Variants in CDH18 observed in about 807,000 individuals in gnomAD.
CDH18 encodes the protein cadherin 18.
CDH18 carries 31 observed loss-of-function variants against 67.9 expected under a neutral mutation model. The ratio of observed to expected loss-of-function variants is 0.46; its 90% CI spans 0.34 to 0.62. The LOEUF is 0.62. Ranked by LOEUF, CDH18 falls within the 20% of genes least tolerant of loss-of-function variation. The pLI, the probability that CDH18 is intolerant of heterozygous loss-of-function variation, is 0.01. For synonymous variants in CDH18, 362 were observed against 347.2 expected (o/e 1.04, Z -0.48); for missense variants, 890 against 975.5 (o/e 0.91, Z 1.17).
chr5:19,571,911 T>C (rs1399018315), intron 7 of CDH18, 79 bp from the exon 8 acceptor site: 1 of 1,116,672 alleles, frequency 9.0e-7, no homozygotes, highest in Non-Finnish European at 1.3e-6. Flanking sequence ...AAATATGCAT[T>C]ATTTTTTCCT....
At chr5:20,573,861 GAA>G (rs1758956258) in intron 1 of CDH18, among the ~76,000 whole-genome samples, 1 of 15,568 alleles carries the variant, frequency 6.4e-5, no homozygotes, top group African/African-American at 5.6e-4. Context: ...ATATATAAAA[GAA>G]ATATATATAT....
intron 2 of CDH18, among the ~76,000 whole-genome samples, chr5:20,035,961 G>A (rs549671089): frequency 3.9e-5 from 6 of 152,006 alleles, no homozygotes; most frequent in African/African-American, 1.4e-4. Flanking sequence ...TTGTATTGTT[G>A]TTGTTGTTGC....
chr5:19,489,888 G>A (rs1741108201), intron 11 of CDH18, among the ~76,000 whole-genome samples: 1 of 152,066 alleles, frequency 6.6e-6, no homozygotes, highest in Non-Finnish European at 1.5e-5. Flanking sequence ...AAGAAAAAGT[G>A]AGCTTTTAAA....
In CDH18 at chr5:20,424,959, C is replaced by T. The variant is rs1459840048; in HGVS notation, c.-580+150503G>A. 5.3e-5 allele frequency among the ~76,000 whole-genome samples: 8 copies of T among 150,510 alleles called. 1 individual carries two copies. The highest frequency in any genetic ancestry group is 2.0e-4 in the African/African-American group (8 of 39,990). ...AAGAGGTGTTCTCAGGACACACAAACATGAGGACTGGGTCAACCAGAAAAT... is the reference window on the plus strand; with the variant it reads ...AAGAGGTGTTCTCAGGACACACAAATATGAGGACTGGGTCAACCAGAAAAT... On this transcript the variant is annotated intron_variant, in intron 1 of 14. Coordinates refer to the CDH18 transcript ENST00000507958.
intron 2 of CDH18, among the ~76,000 whole-genome samples, chr5:20,044,422 A>C (rs967567481): frequency 5.9e-5 from 9 of 152,154 alleles, no homozygotes; most frequent in African/African-American, 2.2e-4. Flanking sequence ...TTCATCTCCT[A>C]TAAACATTCT....
intron 2 of CDH18, among the ~76,000 whole-genome samples, chr5:20,094,546 CT>C (rs1485644926): frequency 3.3e-5 from 5 of 152,124 alleles, no homozygotes; most frequent in African/African-American, 4.8e-5. Context: ...TTATAAATTA[CT>C]TTGGGCAGTA....
rs970743868 is a variant in CDH18 at position 20,425,671 on chromosome 5, C to A, written c.-580+149791G>T. On this transcript the variant is annotated intron_variant, in intron 1 of 14. Transcript: ENST00000507958. ...GGTGTGTAGCAATCTGGAGATTGGG[C>A]GCAGAGCTGATTTTTGCTATTCTTA... Among the ~76,000 whole-genome samples, 8 of 150,806 alleles carry A rather than the reference C, an allele frequency of 5.3e-5. No homozygotes were observed. In the South Asian group the frequency reaches 1.5e-3, roughly 27 times the overall value.
intron 2 of CDH18, among the ~76,000 whole-genome samples, chr5:20,148,392 T>A (rs1750836347): frequency 6.6e-6 from 1 of 152,172 alleles, no homozygotes; most frequent in African/African-American, 2.4e-5. Context: ...CCACCGTGCC[T>A]GGCCTAGTGT....
chr5:20,113,307 T>C (rs1364007968), intron 2 of CDH18, among the ~76,000 whole-genome samples: 1 of 152,242 alleles, frequency 6.6e-6, no homozygotes, highest in Non-Finnish European at 1.5e-5. Flanking sequence ...CTGAGATGCT[T>C]TAATTCTTGG....
intron 2 of CDH18, among the ~76,000 whole-genome samples, chr5:20,086,722 A>C (rs1036622433): frequency 6.6e-6 from 1 of 152,202 alleles, no homozygotes; most frequent in African/African-American, 2.4e-5. Context: ...TGATTTACTG[A>C]ATAGTTTAAG....
At chr5:19,618,292 G>C (rs1750154822) in intron 5 of CDH18, among the ~76,000 whole-genome samples, 1 of 151,526 alleles carries the variant, frequency 6.6e-6, no homozygotes, top group South Asian at 2.1e-4. Context: ...TGCAACCTCT[G>C]CCTCTCGGGT....
intron 9 of CDH18, among the ~76,000 whole-genome samples, chr5:19,522,257 T>C (rs1747018650): frequency 6.6e-6 from 1 of 151,872 alleles, no homozygotes; most frequent in South Asian, 2.1e-4. Context: ...AACCATCCAA[T>C]AAAACAACAA....
chr5:19,816,775 A>T (rs911852698), intron 3 of CDH18, among the ~76,000 whole-genome samples: 6 of 151,852 alleles, frequency 4.0e-5, no homozygotes, highest in Non-Finnish European at 1.5e-5. Context: ...AGGGCTAAGG[A>T]ATTCATTTTT....
chr5:20,413,509 T>A (rs143398557), intron 1 of CDH18, among the ~76,000 whole-genome samples: 2 of 152,320 alleles, frequency 1.3e-5, no homozygotes, highest in East Asian at 3.9e-4. Context: ...CCCTTCCAAC[T>A]GGTGTGGGAT....
intron 5 of CDH18, among the ~76,000 whole-genome samples, chr5:19,646,405 T>C: frequency 6.6e-6 from 1 of 151,954 alleles, no homozygotes; most frequent in East Asian, 1.9e-4. Flanking sequence ...AGTGGTGTGA[T>C]CTCGGCTCAC....
chr5:19,865,689 G>T (rs1167110878), intron 2 of CDH18, among the ~76,000 whole-genome samples: 1 of 152,072 alleles, frequency 6.6e-6, no homozygotes, highest in Non-Finnish European at 1.5e-5. Flanking sequence ...AGGGGTTTGG[G>T]AAATTCAGTT....
intron 7 of CDH18, among the ~76,000 whole-genome samples, chr5:19,583,013 G>A (rs993763953): frequency 2.6e-5 from 4 of 151,732 alleles, no homozygotes; most frequent in African/African-American, 7.3e-5. Context: ...ATAACTTTCA[G>A]TGTTTACTCT....
chr5:20,338,216 G>C (rs1462532425), intron 1 of CDH18, among the ~76,000 whole-genome samples: 1 of 152,144 alleles, frequency 6.6e-6, no homozygotes, highest in African/African-American at 2.4e-5. Context: ...ACTCAGCACT[G>C]TCCAATGAAT....
chr5:19,507,073 C>G (rs192432130), intron 10 of CDH18, among the ~76,000 whole-genome samples: 2,945 of 152,242 alleles, frequency 0.019, 79 homozygotes, highest in African/African-American at 0.066. Flanking sequence ...AAGCAAACAA[C>G]CCCATCAAAA....
Sources: allele counts gnomAD v4.1 joint callset (sites outside exome capture counted in the v4.1 genomes callset), GRCh38; gene constraint gnomAD v4.1.1; transcripts MANE v1.5; gene names NCBI Gene and HGNC (gene_info 2026-07-23, HGNC 2026-07-21).